Variants in FN1 observed in about 807,000 individuals in gnomAD.
The protein encoded by FN1 is fibronectin 1, also known as fibronectin.
In FN1, 106 loss-of-function variants were observed where a neutral mutation model predicts 297.3. The ratio of observed to expected loss-of-function variants is 0.36; its 90% confidence interval spans 0.30 to 0.42. The LOEUF (loss-of-function observed/expected upper bound fraction) is 0.42, where lower values mean the gene tolerates loss of function less well. FN1 is among the 10% of genes least tolerant of loss of function. The probability of loss-of-function intolerance (pLI) is 1.00; values close to 1 mark genes in which losing one functional copy is unlikely to be tolerated. For missense variants in FN1, 2,690 were observed against 3,124.9 expected, an observed-to-expected ratio of 0.86 and a Z score of 3.32; for synonymous variants, 1,149 against 1,152.6, an observed-to-expected ratio of 1.00 and a Z score of 0.06.
At chr2:215,393,477 A>G (rs1575499277) in intron 24 of FN1, 2 of 161,246 alleles carry the variant, frequency 1.2e-5, no homozygotes, top group South Asian at 2.0e-4. Flanking sequence ...CTTAAAGGGT[A>G]CAATTTGAAC....
Position 215,425,292 on chromosome 2 carries a change from G to T in FN1, c.845-7C>A, listed in dbSNP as rs754863229. ...TCGGTGAAGGGGCCAGATCCTAATG[G>T]CATGAAAAGGGAATGTCACAAAACT... On this transcript the variant is annotated splice_region_variant and splice_polypyrimidine_tract_variant and intron_variant, in intron 6 of 45. Transcript: ENST00000354785. The T allele has an allele frequency of 2.5e-6, 4 of 1,613,560 alleles. No homozygotes were observed. Among genetic ancestry groups the T allele is most frequent in the Non-Finnish European group, 3.4e-6 (4 of 1,179,886 alleles).
chr2:215,417,218 A>G (rs1315023348), intron 12 of FN1, among the ~76,000 whole-genome samples: 1 of 152,196 alleles, frequency 6.6e-6, no homozygotes, highest in Non-Finnish European at 1.5e-5. Context: ...CTTAATTGGC[A>G]TATACTAGCT....
chr2:215,366,151 T>C (rs2054565872), intron 42 of FN1, among the ~76,000 whole-genome samples: 1 of 152,120 alleles, frequency 6.6e-6, no homozygotes, highest in Admixed American at 6.5e-5. Flanking sequence ...TTTTAAAATA[T>C]TATTTTTTAT....
chr2:215,389,834 A>G (rs933109284), intron 26 of FN1, among the ~76,000 whole-genome samples: 1 of 152,154 alleles, frequency 6.6e-6, no homozygotes, highest in African/African-American at 2.4e-5. Flanking sequence ...TAGATGGTAG[A>G]GCCTTTGACA....
intron 41 of FN1, 151 bp from the exon 42 acceptor site, chr2:215,368,178 T>C (rs1351017050): frequency 1.2e-6 from 1 of 843,458 alleles, no homozygotes. Flanking sequence ...ATCAAGGCAT[T>C]AACTGCTCTA....
chr2:215,403,684 C>T (rs2061415022), intron 20 of FN1, among the ~76,000 whole-genome samples: 1 of 152,164 alleles, frequency 6.6e-6, no homozygotes, highest in South Asian at 2.1e-4. Flanking sequence ...AGATTTAAGA[C>T]CACTTCCTTT....
At chr2:215,399,455 C>A (rs889917417) in intron 20 of FN1, 104 bp from the exon 21 acceptor site, 2 of 790,156 alleles carry the variant, frequency 2.5e-6, no homozygotes, top group Non-Finnish European at 4.5e-6. Context: ...TTTAACCAAG[C>A]AGTGGATAGA....
intron 45 of FN1, 167 bp downstream of exon 45, chr2:215,361,802 A>C (rs990705182): frequency 1.8e-5 from 10 of 563,044 alleles, no homozygotes; most frequent in Admixed American, 6.3e-5. Flanking sequence ...AGAGTTACAT[A>C]AATTATAACT....
intron 6 of FN1, among the ~76,000 whole-genome samples, chr2:215,427,543 T>C (rs888728923): frequency 6.6e-6 from 1 of 152,228 alleles, no homozygotes; most frequent in Non-Finnish European, 1.5e-5. Context: ...TTAGATATCA[T>C]GTCTTTCATG....
chr2:215,420,910 C>A, intron 10 of FN1, 109 bp from the exon 11 acceptor site: 1 of 976,844 alleles, frequency 1.0e-6, no homozygotes, highest in Non-Finnish European at 1.6e-6. Flanking sequence ...ATTATCAACA[C>A]CTTCCACTAA....
intron 34 of FN1, 25 bp from the exon 35 acceptor site, chr2:215,378,287 C>G: frequency 7.4e-7 from 1 of 1,348,506 alleles, no homozygotes. Flanking sequence ...GCATGGTGAG[C>G]TTTAGCAACG....
chr2:215,372,276 T>G lies in FN1; in HGVS notation c.6347A>C (p.His2116Pro), dbSNP rs1487693713. Residue 2116 changes from histidine (H) to proline (P), a missense_variant, in exon 40 of 46, where the codon CAC (histidine) becomes CCC (proline). His to Pro is a moderately conservative substitution (Grantham distance 77). Transcript: ENST00000354785. Reference sequence around the variant, plus strand: ...ACCATTTCCAGTGTCATACCCAGGGTGGGTGACGAAAGGGGTCTTTTGAAC... The same window carrying G: ...ACCATTTCCAGTGTCATACCCAGGGGGGGTGACGAAAGGGGTCTTTTGAAC... ...STVQKTPFVT[H>P]PGYDTGNGIQ... The G allele has an allele frequency of 6.2e-7, 1 of 1,613,992 alleles. No individual in the cohort carries two copies. The highest frequency in any genetic ancestry group is 1.1e-5 in the South Asian group (1 of 91,070).
rs2066368400 is a variant in FN1, at chr2:215,430,745, C to T, written c.655G>A (p.Gly219Ser). 1 of 1,614,146 alleles carries T rather than the reference C, an allele frequency of 6.2e-7. No individual in the cohort carries two copies. The part of the protein sequence containing the change: ...MMVDCTCLGE[G>S]SGRITCTSRN... ...GAAGTGCAAGTGATGCGTCCGCTGC[C>T]TTCTCCCAGGCAAGTACAATCTACC... The change falls in exon 5 of 46, where the codon GGC (glycine) becomes AGC (serine). Residue 219 changes from glycine to serine, a missense_variant. Around this residue, in one of 3 missense-constraint regions of FN1, gnomAD observed 876 missense variants for 1,058.1 expected, o/e 0.83. Coordinates refer to ENST00000354785, the MANE Select transcript of FN1 (RefSeq NM_212482.4).
rs1160737986 is a variant in FN1 at position 215,425,257 on chromosome 2, T to G, written c.873A>C (p.Ala291=). 2.5e-6 allele frequency: 4 copies of G among 1,614,136 alleles called. No individual in the cohort carries two copies. Among genetic ancestry groups the G allele is most frequent in the Non-Finnish European group, 2.5e-6 (3 of 1,180,032 alleles). Residue 291 remains alanine (A), a synonymous_variant, in exon 7 of 46, where the codon GCA becomes GCC. Transcript: ENST00000354785. ...GGTGAGGCTGCGGTTGGTAAACAGC[T>G]GCACGAACATCGGTGAAGGGGCCAG... ...SGSGPFTDVR[A]AVYQPQPHPQ...
chr2:215,391,866 C>A, intron 25 of FN1, 52 bp from the exon 26 acceptor site: 1 of 1,520,088 alleles, frequency 6.6e-7, no homozygotes, highest in Non-Finnish European at 9.1e-7. Flanking sequence ...AAAATTAAAG[C>A]TAACGAAGTA....
In FN1 at chr2:215,365,962, T is replaced by A. The variant is rs568872840; in HGVS notation, c.7019-332A>T. On this transcript the variant is annotated intron_variant, in intron 42 of 45. Coordinates refer to ENST00000354785, the MANE Select transcript of FN1 (RefSeq NM_212482.4). ...CTGGGATTACAGGCACTCCCCACAG[T>A]GCTATTTTTTTTTTTTTTTTTTTTT... Among the ~76,000 whole-genome samples, 7 of 132,152 alleles carry A rather than the reference T, an allele frequency of 5.3e-5. No homozygotes were observed. In the East Asian group the frequency reaches 1.4e-3, roughly 27 times the overall value. 86.7% of individuals were successfully genotyped at this position (132,152 alleles called of 152,430 possible). A position where few individuals can be genotyped will look rare whatever the true frequency, so the allele number is the denominator to read the frequency against.
intron 23 of FN1, among the ~76,000 whole-genome samples, chr2:215,395,429 T>C (rs1412849626): frequency 1.3e-5 from 2 of 151,758 alleles, no homozygotes; most frequent in Admixed American, 1.3e-4. Context: ...TCCCAGCTAC[T>C]TGGGGAGGCT....
chr2:215,369,213 T>TC lies in FN1; in HGVS notation c.6853+1080_6853+1081insG, dbSNP rs1210198085. ...TAACTAAAGTTAAAGAGATGGAATC[T>TC]TTAAAAAAAAAAAAAAAAAATGACT... On this transcript the variant is annotated intron_variant, in intron 41 of 45. Coordinates refer to ENST00000354785, the MANE Select transcript of FN1 (RefSeq NM_212482.4). Among the ~76,000 whole-genome samples the TC allele has an allele frequency of 6.1e-5, 7 of 115,630 alleles. 1 individual carries two copies. The highest frequency in any genetic ancestry group is 1.3e-4 in the Non-Finnish European group (7 of 53,396). The allele number at this position is 115,630 out of a possible 152,430, so 75.9% of individuals were successfully genotyped here. A position where few individuals can be genotyped will look rare whatever the true frequency, so the allele number is the denominator to read the frequency against.
At chr2:215,409,766 C>T in intron 14 of FN1, 27 bp from the exon 15 acceptor site, 1 of 1,613,340 alleles carries the variant, frequency 6.2e-7, no homozygotes, top group Non-Finnish European at 8.5e-7. Context: ...AGGGGAAAGT[C>T]AGCCTTCAGT....
Sources: allele counts gnomAD v4.1 joint callset (sites outside exome capture counted in the v4.1 genomes callset), GRCh38; gene constraint gnomAD v4.1.1; regional missense constraint gnomAD v4.1.1; transcripts MANE v1.5; gene names NCBI Gene and HGNC (gene_info 2026-07-23, HGNC 2026-07-21).